AGBL4: variants seen among roughly 807,000 people sequenced by gnomAD.
AGBL4 encodes AGBL carboxypeptidase 4.
AGBL4 carries 58 observed loss-of-function variants against 66.4 expected under a neutral mutation model. That is an observed-to-expected ratio of 0.87 (90% CI 0.71 to 1.09). The LOEUF (loss-of-function observed/expected upper bound fraction) is 1.09. Ranked by LOEUF, AGBL4 falls within the 50% of genes least tolerant of loss-of-function variation. AGBL4 has a pLI of 0.00. For synonymous variants in AGBL4, 234 were observed against 222.9 expected, an observed-to-expected ratio of 1.05 and a Z score of -0.44; for missense variants, 579 against 631.0, an observed-to-expected ratio of 0.92 and a Z score of 0.88.
intron 1 of AGBL4, among the ~76,000 whole-genome samples, chr1:49,926,334 C>T (rs903695920): frequency 6.6e-6 from 1 of 152,128 alleles, no homozygotes; most frequent in African/African-American, 2.4e-5. Flanking sequence ...CTTGGGGTAC[C>T]CTTAATGCAG....
At chr1:48,942,508 T>G (rs1656085930) in intron 5 of AGBL4, among the ~76,000 whole-genome samples, 1 of 152,196 alleles carries the variant, frequency 6.6e-6, no homozygotes, top group Non-Finnish European at 1.5e-5. Flanking sequence ...GAGATGATTT[T>G]GGGAAAGAAT....
intron 3 of AGBL4, among the ~76,000 whole-genome samples, chr1:49,524,594 A>G (rs1650513794): frequency 6.6e-6 from 1 of 152,080 alleles, no homozygotes; most frequent in Admixed American, 6.5e-5. Flanking sequence ...TTAAATAAGG[A>G]GTCCACATGG....
At chr1:49,474,220 G>C (rs530249609) in intron 3 of AGBL4, among the ~76,000 whole-genome samples, 7 of 152,200 alleles carry the variant, frequency 4.6e-5, no homozygotes, top group Non-Finnish European at 7.4e-5. Context: ...GCTTTGGGCA[G>C]TATGAACATT....
chr1:48,527,534 T>C, the AGBL4 span, among the ~76,000 whole-genome samples: 5 of 151,050 alleles, frequency 3.3e-5, no homozygotes, highest in Non-Finnish European at 7.4e-5. Flanking sequence ...GAGGCAGAGA[T>C]TGCAGTGAGC....
intron 5 of AGBL4, among the ~76,000 whole-genome samples, chr1:49,006,409 C>T (rs1661819409): frequency 6.6e-6 from 1 of 152,240 alleles, no homozygotes; most frequent in East Asian, 1.9e-4. Context: ...GCTAGCACAG[C>T]AGTCTGAGAT....
intron 6 of AGBL4, among the ~76,000 whole-genome samples, chr1:48,858,527 A>G (rs1368613211): frequency 2.0e-5 from 3 of 152,234 alleles, no homozygotes. Flanking sequence ...ACATGCTACA[A>G]CATGGGTGAA....
chr1:48,766,888 T>C (rs1301645332), intron 6 of AGBL4, among the ~76,000 whole-genome samples: 1 of 152,248 alleles, frequency 6.6e-6, no homozygotes, highest in Non-Finnish European at 1.5e-5. Context: ...CTATGCTAAG[T>C]AGTCCTTGTG....
chr1:49,616,426 C>A (rs1431844091), intron 3 of AGBL4, among the ~76,000 whole-genome samples: 1 of 152,160 alleles, frequency 6.6e-6, no homozygotes, highest in African/African-American at 2.4e-5. Context: ...TCTCAAAAAT[C>A]TTTTGTAGGA....
chr1:49,840,916 G>A lies in AGBL4; in HGVS notation c.157+10480C>T, dbSNP rs144571370. Among the ~76,000 whole-genome samples the A allele has an allele frequency of 2.4e-3, 367 of 152,226 alleles. 1 individual carries two copies. Among genetic ancestry groups the A allele is most frequent in the African/African-American group, 7.1e-3 (296 of 41,544 alleles). On this transcript the variant is annotated intron_variant, in intron 2 of 13. Transcript: ENST00000371839. The stretch of plus-strand genomic sequence containing the variant: ...ACACCATACTGAATAGGAATAAGCC[G>A]GAAGCATTCACATTAAGAAATGGAA...
intron 1 of AGBL4, among the ~76,000 whole-genome samples, chr1:50,004,257 G>C (rs780081008): frequency 1.3e-5 from 2 of 152,186 alleles, no homozygotes; most frequent in Non-Finnish European, 2.9e-5. Flanking sequence ...GCCTTAGCCA[G>C]AGGGTAATTA....
At chr1:49,256,046 C>T (rs1414019167) in intron 3 of AGBL4, among the ~76,000 whole-genome samples, 1 of 152,136 alleles carries the variant, frequency 6.6e-6, no homozygotes, top group Non-Finnish European at 1.5e-5. Context: ...GGAAAAATAA[C>T]TAATGGGTAC....
intron 3 of AGBL4, among the ~76,000 whole-genome samples, chr1:49,656,551 A>C (rs78364377): frequency 1.3e-5 from 2 of 152,034 alleles, no homozygotes; most frequent in African/African-American, 2.4e-5. Flanking sequence ...GAGGCACAAC[A>C]AAAAAAGAGA....
intron 5 of AGBL4, among the ~76,000 whole-genome samples, chr1:48,921,304 A>C (rs1654053910): frequency 6.6e-6 from 1 of 152,136 alleles, no homozygotes; most frequent in South Asian, 2.1e-4. Context: ...ACTCAGGATG[A>C]CTCCATGGCA....
intron 4 of AGBL4, among the ~76,000 whole-genome samples, chr1:49,215,736 C>T (rs1406747836): frequency 6.6e-6 from 1 of 152,036 alleles, no homozygotes; most frequent in African/African-American, 2.4e-5. Flanking sequence ...ACCTCGACCG[C>T]GTTTGCTCAA....
At chr1:49,327,912 T>C (rs1645257172) in intron 3 of AGBL4, among the ~76,000 whole-genome samples, 1 of 152,172 alleles carries the variant, frequency 6.6e-6, no homozygotes, top group Admixed American at 6.5e-5. Flanking sequence ...GTCAAGGTAA[T>C]ATCCTGGCAA....
At chr1:49,942,475 A>G (rs1304960205) in intron 1 of AGBL4, among the ~76,000 whole-genome samples, 2 of 152,180 alleles carry the variant, frequency 1.3e-5, no homozygotes, top group East Asian at 3.8e-4. Context: ...TGGCACTAGC[A>G]TAAAAATAGA....
chr1:49,111,813 C>A (rs1010471645), intron 4 of AGBL4, among the ~76,000 whole-genome samples: 1 of 152,148 alleles, frequency 6.6e-6, no homozygotes, highest in African/African-American at 2.4e-5. Context: ...AGTCTGTGCT[C>A]AGTAAATATC....
At chr1:49,089,901 T>C (rs1257545547) in intron 4 of AGBL4, among the ~76,000 whole-genome samples, 2 of 152,164 alleles carry the variant, frequency 1.3e-5, no homozygotes, top group African/African-American at 4.8e-5. Context: ...TAATATGCCA[T>C]GATCAAGCAG....
At chr1:49,374,366 C>T (rs1008407387) in intron 3 of AGBL4, 3 of 151,604 alleles carry the variant, frequency 2.0e-5, no homozygotes, top group African/African-American at 4.8e-5. Flanking sequence ...AAACAAAAAA[C>T]CTTGGTTGTA....
Sources: allele counts gnomAD v4.1 joint callset (sites outside exome capture counted in the v4.1 genomes callset), GRCh38; gene constraint gnomAD v4.1.1; transcripts MANE v1.5; gene names NCBI Gene and HGNC (gene_info 2026-07-23, HGNC 2026-07-21).